JAZF1: variants seen among roughly 807,000 people sequenced by gnomAD.
The protein encoded by JAZF1 is JAZF zinc finger 1.
JAZF1 carries 8 observed loss-of-function variants against 26.4 expected under a neutral mutation model. The observed-to-expected ratio is 0.30, with a 90% CI of 0.18 to 0.55. The LOEUF (loss-of-function observed/expected upper bound fraction) is 0.55. Among genes scored for constraint, JAZF1 ranks in the 20% least tolerant of loss-of-function variants. The pLI is 0.94. For missense variants in JAZF1, 199 were observed against 322.0 expected (o/e 0.62, Z 2.92); for synonymous variants, 126 against 122.3 (o/e 1.03, Z -0.20).
intron 3 of JAZF1, among the ~76,000 whole-genome samples, chr7:27,864,427 TTTC>T (rs1201586319): frequency 4.6e-5 from 7 of 152,178 alleles, no homozygotes; most frequent in African/African-American, 1.2e-4. Flanking sequence ...CCTTCATCCT[TTTC>T]TTCTTTTCAT....
At chr7:27,976,344 C>CAA (rs55992845) in intron 2 of JAZF1, among the ~76,000 whole-genome samples, 29 of 80,452 alleles carry the variant, frequency 3.6e-4, no homozygotes, top group African/African-American at 8.6e-4. Flanking sequence ...GACTCCGTCT[C>CAA]AAAAAAAAAA....
At chr7:28,159,466 A>T (rs1285803880) in intron 1 of JAZF1, among the ~76,000 whole-genome samples, 1 of 151,870 alleles carries the variant, frequency 6.6e-6, no homozygotes, top group Non-Finnish European at 1.5e-5. Flanking sequence ...AGGAGCAGAG[A>T]GGAAGGCGGG....
chr7:28,006,883 T>G (rs1782710896), intron 1 of JAZF1, among the ~76,000 whole-genome samples: 1 of 152,158 alleles, frequency 6.6e-6, no homozygotes, highest in Non-Finnish European at 1.5e-5. Context: ...GTGATTTTAT[T>G]ATATCTCTTC....
chr7:28,153,233 G>A (rs988344197), intron 1 of JAZF1, among the ~76,000 whole-genome samples: 1 of 152,016 alleles, frequency 6.6e-6, no homozygotes, highest in Admixed American at 6.6e-5. Flanking sequence ...CAGGAAGTGG[G>A]CTCTCAGAAA....
At chr7:27,885,475 AAC>A (rs1783843316) in intron 3 of JAZF1, among the ~76,000 whole-genome samples, 1 of 152,224 alleles carries the variant, frequency 6.6e-6, no homozygotes, top group Admixed American at 6.5e-5. Flanking sequence ...TGTTAATAAC[AAC>A]AGTGTCATTT....
chr7:28,016,849 G>T (rs1345172979), intron 1 of JAZF1, among the ~76,000 whole-genome samples: 5 of 152,112 alleles, frequency 3.3e-5, no homozygotes. Context: ...TATGTGCCAG[G>T]TACTGTTCTA....
intron 3 of JAZF1, among the ~76,000 whole-genome samples, chr7:27,851,527 C>T (rs957304539): frequency 3.9e-5 from 6 of 152,014 alleles, no homozygotes; most frequent in African/African-American, 1.5e-4. Context: ...GTGGTACACA[C>T]CTGTTGTCCC....
chr7:27,928,881 C>T (rs971992204), intron 2 of JAZF1, among the ~76,000 whole-genome samples: 3 of 152,118 alleles, frequency 2.0e-5, no homozygotes, highest in Non-Finnish European at 4.4e-5. Context: ...GTACAACAAA[C>T]CCCCATGACA....
chr7:27,938,402 G>A (rs1210340456), intron 2 of JAZF1, among the ~76,000 whole-genome samples: 1 of 152,164 alleles, frequency 6.6e-6, no homozygotes, highest in East Asian at 1.9e-4. Context: ...CTGAAAATCT[G>A]TTTCTCTGTC....
chr7:28,047,889 G>T (rs1217803842), intron 1 of JAZF1, among the ~76,000 whole-genome samples: 3 of 152,104 alleles, frequency 2.0e-5, no homozygotes, highest in Non-Finnish European at 4.4e-5. Context: ...ATGGTTTCGT[G>T]TTTTCTTGAT....
chr7:27,999,387 T>A (rs1411159588), intron 1 of JAZF1, among the ~76,000 whole-genome samples: 2 of 152,058 alleles, frequency 1.3e-5, no homozygotes, highest in African/African-American at 4.8e-5. Context: ...GAGAAGAGCC[T>A]ATGAGAAGGT....
At chr7:28,074,119 T>C (rs1415507977) in intron 1 of JAZF1, among the ~76,000 whole-genome samples, 1 of 152,246 alleles carries the variant, frequency 6.6e-6, no homozygotes, top group East Asian at 1.9e-4. Flanking sequence ...ACCTATGTGT[T>C]CCTACTTTTC....
intron 2 of JAZF1, among the ~76,000 whole-genome samples, chr7:27,946,671 G>C (rs1473086581): frequency 6.6e-6 from 1 of 152,202 alleles, no homozygotes; most frequent in Non-Finnish European, 1.5e-5. Context: ...AGTGACTGCA[G>C]AAGGACCATA....
chr7:28,087,066 A>C (rs1036121231), intron 1 of JAZF1, among the ~76,000 whole-genome samples: 1 of 152,222 alleles, frequency 6.6e-6, no homozygotes, highest in Non-Finnish European at 1.5e-5. Context: ...CGTTATAAAC[A>C]ATCAGTTTTA....
chr7:28,120,498 G>GTTTTTTTTTTT (rs1345204155), intron 1 of JAZF1, among the ~76,000 whole-genome samples: 1 of 41,064 alleles, frequency 2.4e-5, no homozygotes, highest in Non-Finnish European at 5.3e-5. Context: ...GCCACACACA[G>GTTTTTTTTTTT]TTCTTTTTTT....
intron 1 of JAZF1, among the ~76,000 whole-genome samples, chr7:28,047,401 C>T (rs1387068278): frequency 6.6e-6 from 1 of 152,084 alleles, no homozygotes; most frequent in Non-Finnish European, 1.5e-5. Context: ...TGAAATTGCA[C>T]AGGAATGTTA....
intron 2 of JAZF1, among the ~76,000 whole-genome samples, chr7:27,905,104 T>A (rs1298970705): frequency 6.1e-5 from 9 of 147,938 alleles, no homozygotes; most frequent in Non-Finnish European, 1.0e-4. Context: ...CAGCTAATTT[T>A]TGTATTTTTT....
At chr7:27,834,348 GCTT>G (rs1348256676) in intron 4 of JAZF1, among the ~76,000 whole-genome samples, 1 of 152,178 alleles carries the variant, frequency 6.6e-6, no homozygotes, top group African/African-American at 2.4e-5. Context: ...ACACATGAAT[GCTT>G]TTTTAAAAGT....
chr7:27,851,059 A>C (rs11977841), intron 3 of JAZF1, among the ~76,000 whole-genome samples: 67,426 of 151,800 alleles, frequency 0.44, 15,287 homozygotes, highest in East Asian at 0.54. Context: ...TCTCCTGCCT[A>C]AGCCTCCTGA....
Sources: allele counts gnomAD v4.1 joint callset (sites outside exome capture counted in the v4.1 genomes callset), GRCh38; gene constraint gnomAD v4.1.1; transcripts MANE v1.5; gene names NCBI Gene and HGNC (gene_info 2026-07-23, HGNC 2026-07-21).